Variants in AIM2 observed in about 807,000 individuals in gnomAD.
AIM2 encodes the protein interferon-inducible protein AIM2.
Under a neutral mutation model 27.7 loss-of-function variants are expected in AIM2, and 30 were observed. That is an observed-to-expected ratio of 1.08 (90% CI 0.81 to 1.47). The LOEUF (loss-of-function observed/expected upper bound fraction) is 1.47. AIM2 is among the 40% of genes most tolerant of loss of function. AIM2 has a pLI of 0.00. For synonymous variants in AIM2, 141 were observed against 145.3 expected (o/e 0.97, Z 0.21); for missense variants, 358 against 411.3 (o/e 0.87, Z 1.12).
chr1:159,081,802 A>C (rs191032811), intron 1 of AIM2: 1 of 159,020 alleles, frequency 6.3e-6, no homozygotes, highest in South Asian at 1.6e-4. Context: ...CAGCCTTTGC[A>C]GTGTGGCCCA....
chr1:159,137,382 C>T (rs114452414), intron 1 of AIM2, among the ~76,000 whole-genome samples: 3 of 152,102 alleles, frequency 2.0e-5, no homozygotes, highest in African/African-American at 4.8e-5. Context: ...TGGGGCTGGG[C>T]GTGGTGGCTC....
chr1:159,073,867 C>T (rs1656480757), intron 1 of AIM2, among the ~76,000 whole-genome samples: 1 of 152,128 alleles, frequency 6.6e-6, no homozygotes, highest in African/African-American at 2.4e-5. Flanking sequence ...GGCAAAACCC[C>T]ATCTCTACTA....
chr1:159,146,776 T>C (rs1648215352), intron 1 of AIM2, among the ~76,000 whole-genome samples: 1 of 152,162 alleles, frequency 6.6e-6, no homozygotes, highest in Non-Finnish European at 1.5e-5. Context: ...TTCCCAGGCC[T>C]CTAAATTCCG....
At chr1:159,109,957 T>G (rs575504849) in intron 1 of AIM2, among the ~76,000 whole-genome samples, 186 of 152,278 alleles carry the variant, frequency 1.2e-3, no homozygotes, top group Non-Finnish European at 2.4e-3. Flanking sequence ...ACGCTGCTGG[T>G]GGGAATGTAA....
At chr1:159,100,941 T>G (rs1657298682) in intron 1 of AIM2, among the ~76,000 whole-genome samples, 1 of 152,244 alleles carries the variant, frequency 6.6e-6, no homozygotes, top group Non-Finnish European at 1.5e-5. Flanking sequence ...GGCTTCCAGA[T>G]CTACTGTCCC....
At chr1:159,117,558 C>A in intron 1 of AIM2, among the ~76,000 whole-genome samples, 1 of 151,934 alleles carries the variant, frequency 6.6e-6, no homozygotes, top group South Asian at 2.1e-4. Context: ...GACTCTTTCT[C>A]CTAAATTAGT....
chr1:159,073,531 C>A lies in AIM2; in HGVS notation c.-20-12G>T. On this transcript the variant is annotated splice_polypyrimidine_tract_variant and intron_variant, in intron 1 of 5. Transcript: ENST00000368130. ...ACTTTGGGATCAGCCTATAAGGAAT[C>A]CAAAACATGTAAGATTACACCACCA... 1 of 1,591,784 alleles carries A rather than the reference C, an allele frequency of 6.3e-7. No homozygotes were observed.
At chr1:159,099,484 T>C (rs1375505667) in intron 1 of AIM2, among the ~76,000 whole-genome samples, 1 of 152,196 alleles carries the variant, frequency 6.6e-6, no homozygotes, top group Admixed American at 6.5e-5. Flanking sequence ...AAGGTCACCA[T>C]AGACCTACTT....
At chr1:159,067,495 A>G (rs1411933806) in intron 3 of AIM2, among the ~76,000 whole-genome samples, 2 of 152,168 alleles carry the variant, frequency 1.3e-5, no homozygotes, top group Admixed American at 1.3e-4. Context: ...AGCTTGGGCC[A>G]GTAAGGGGCC....
chr1:159,095,586 C>T (rs1296299373), intron 1 of AIM2, among the ~76,000 whole-genome samples: 1 of 152,072 alleles, frequency 6.6e-6, no homozygotes, highest in Admixed American at 6.5e-5. Context: ...GACCTTCCTC[C>T]TTTGCTGAAA....
Position 159,066,000 on chromosome 1 carries a change from A to G in AIM2, c.726T>C (p.Ile242=), listed in dbSNP as rs1167687958. Reference sequence around the variant, plus strand: ...TCGGGGTTTCACCAGCTTTTCTGATAATGTTCAGCGGGACATTAACCTTTT... The same window carrying G: ...TCGGGGTTTCACCAGCTTTTCTGATGATGTTCAGCGGGACATTAACCTTTT... ...SDQKVNVPLN[I]IRKAGETPKI... is the part of the protein sequence containing the mutation. Residue 242 remains isoleucine (I), a synonymous_variant, in exon 4 of 6, where the codon ATT becomes ATC. Coordinates refer to ENST00000368130, the MANE Select transcript of AIM2 (RefSeq NM_004833.3). The G allele has an allele frequency of 6.2e-7, 1 of 1,614,138 alleles. No homozygotes were observed. Among genetic ancestry groups the G allele is most frequent in the Non-Finnish European group, 8.5e-7 (1 of 1,180,030 alleles).
chr1:159,117,444 T>C (rs1195127942), intron 1 of AIM2, among the ~76,000 whole-genome samples: 1 of 152,140 alleles, frequency 6.6e-6, no homozygotes, highest in Non-Finnish European at 1.5e-5. Context: ...GTATAACAAA[T>C]AAATTTTGTA....
intron 1 of AIM2, chr1:159,122,497 A>C (rs915511268): frequency 2.0e-5 from 3 of 152,294 alleles, no homozygotes; most frequent in Non-Finnish European, 2.9e-5. Context: ...AGGGAGTCTG[A>C]AAGCAGTGGC....
At chr1:159,136,256 A>G (rs1648007840) in intron 1 of AIM2, among the ~76,000 whole-genome samples, 1 of 152,236 alleles carries the variant, frequency 6.6e-6, no homozygotes, top group African/African-American at 2.4e-5. Flanking sequence ...AGCCTCCAAG[A>G]AACTAGCTTG....
chr1:159,067,896 A>G (rs1473377083), intron 3 of AIM2, among the ~76,000 whole-genome samples: 1 of 152,110 alleles, frequency 6.6e-6, no homozygotes, highest in African/African-American at 2.4e-5. Context: ...TAAAGTAATC[A>G]TTCTCACCAA....
At chr1:159,139,800 T>C (rs950579047) in intron 1 of AIM2, among the ~76,000 whole-genome samples, 4 of 152,166 alleles carry the variant, frequency 2.6e-5, no homozygotes, top group African/African-American at 7.2e-5. Context: ...TCCCCAGCCC[T>C]CACAATTCCA....
At chr1:159,143,591 C>T (rs1414704811), upstream of AIM2, among the ~76,000 whole-genome samples, 5 of 87,368 alleles carry the variant, frequency 5.7e-5, no homozygotes, top group African/African-American at 1.5e-4. Context: ...TACACACACA[C>T]ACACACACAC....
chr1:159,073,755 G>T (rs1557895496), intron 1 of AIM2, among the ~76,000 whole-genome samples: 1 of 152,166 alleles, frequency 6.6e-6, no homozygotes, highest in Non-Finnish European at 1.5e-5. Context: ...AGATACATTA[G>T]CTGGGCGCGG....
intron 1 of AIM2, among the ~76,000 whole-genome samples, chr1:159,116,643 T>C (rs934261610): frequency 6.6e-6 from 1 of 151,000 alleles, no homozygotes; most frequent in Non-Finnish European, 1.5e-5. Context: ...TGAGAACACG[T>C]GGACACAGGA....
Sources: allele counts gnomAD v4.1 joint callset (sites outside exome capture counted in the v4.1 genomes callset), GRCh38; gene constraint gnomAD v4.1.1; transcripts MANE v1.5; gene names NCBI Gene and HGNC (gene_info 2026-07-23, HGNC 2026-07-21).